Variants in ZC3H12B observed in about 807,000 individuals in gnomAD.
The protein encoded by ZC3H12B is probable ribonuclease ZC3H12B.
ZC3H12B carries 7 observed loss-of-function variants against 43.9 expected under a neutral mutation model. That is an observed-to-expected ratio of 0.16 (90% CI 0.09 to 0.30). The LOEUF (loss-of-function observed/expected upper bound fraction) is 0.30, where lower values mean the gene tolerates loss of function less well. Among genes scored for constraint, ZC3H12B ranks in the 10% least tolerant of loss-of-function variants. The pLI is 1.00. For missense variants in ZC3H12B, 475 were observed against 670.2 expected (o/e 0.71, Z 3.22); for synonymous variants, 222 against 241.7 (o/e 0.92, Z 0.76).
At chrX:65,143,655 C>T in the ZC3H12B span, among the ~76,000 whole-genome samples, 138 of 108,507 alleles carry the variant, frequency 1.3e-3, 1 homozygote, top group Non-Finnish European at 1.7e-3. Flanking sequence ...TTCCACCTCC[C>T]GGGTTCAAGT....
chrX:65,366,258 T>C (rs1318100812), upstream of ZC3H12B, among the ~76,000 whole-genome samples: 1 of 110,597 alleles, frequency 9.0e-6, no homozygotes, highest in Non-Finnish European at 1.9e-5. Context: ...AAGAGAATGG[T>C]GCTTTTTTCC....
At chrX:65,192,287 G>A in the ZC3H12B span, among the ~76,000 whole-genome samples, 1 of 111,339 alleles carries the variant, frequency 9.0e-6, no homozygotes, top group African/African-American at 3.3e-5. Context: ...GTTGATTTGG[G>A]GTGGATCAAA....
chrX:65,503,626 T>A (rs1049213338), exon 5 of ZC3H12B: 13 of 113,687 alleles, frequency 1.1e-4, no homozygotes, highest in Non-Finnish European at 2.0e-4. Flanking sequence ...TTCTTTATTT[T>A]TTTTTTTTGA....
intron 3 of ZC3H12B, among the ~76,000 whole-genome samples, chrX:65,435,346 G>T (rs949438618): frequency 1.1e-4 from 12 of 111,675 alleles, no homozygotes; most frequent in African/African-American, 3.9e-4. Context: ...ACAAATACTT[G>T]AAAGTATCAT....
the ZC3H12B span, among the ~76,000 whole-genome samples, chrX:65,165,336 A>T: frequency 4.5e-5 from 5 of 112,115 alleles, no homozygotes; most frequent in Admixed American, 9.5e-5. Flanking sequence ...ATAGGTATAC[A>T]TGTGCCATGG....
chrX:65,174,842 T>C, the ZC3H12B span, among the ~76,000 whole-genome samples: 114 of 111,386 alleles, frequency 1.0e-3, 1 homozygote, highest in East Asian at 0.022. Context: ...ATGAGACCAC[T>C]TGGCTCCCTG....
the ZC3H12B span, among the ~76,000 whole-genome samples, chrX:65,177,696 A>G: frequency 9.0e-6 from 1 of 111,697 alleles, no homozygotes; most frequent in Non-Finnish European, 1.9e-5. Context: ...TGAATAAAAT[A>G]CCTAGGAATA....
At chrX:65,264,539 A>C in the ZC3H12B span, among the ~76,000 whole-genome samples, 1 of 112,187 alleles carries the variant, frequency 8.9e-6, no homozygotes, top group South Asian at 3.6e-4. Context: ...CATAGATAAA[A>C]AAATTATTTT....
the ZC3H12B span, among the ~76,000 whole-genome samples, chrX:65,313,223 C>T: frequency 5.4e-5 from 6 of 112,149 alleles, no homozygotes; most frequent in African/African-American, 9.7e-5. Context: ...GGGGCACAAA[C>T]ATTCAACCCA....
intron 4 of ZC3H12B, 123 bp from the exon 10 acceptor site, chrX:65,501,666 A>T: frequency 1.5e-6 from 1 of 671,233 alleles, no homozygotes; most frequent in Non-Finnish European, 2.2e-6. Context: ...GTGGACAGTT[A>T]ATTTTCTGCC....
the ZC3H12B span, among the ~76,000 whole-genome samples, chrX:65,168,476 G>A: frequency 9.0e-6 from 1 of 111,072 alleles, no homozygotes; most frequent in African/African-American, 3.3e-5. Context: ...ATGTTCATTA[G>A]GGATATTGGT....
intron 3 of ZC3H12B, among the ~76,000 whole-genome samples, chrX:65,413,770 G>A (rs976502133): frequency 9.0e-6 from 1 of 111,693 alleles, no homozygotes; most frequent in Non-Finnish European, 1.9e-5. Flanking sequence ...GGCTATTTGA[G>A]GACCCTTGTG....
At chrX:65,209,992 C>T in the ZC3H12B span, among the ~76,000 whole-genome samples, 1 of 76,052 alleles carries the variant, frequency 1.3e-5, no homozygotes, top group Admixed American at 1.4e-4. Context: ...CATTACCATT[C>T]AAGACATAGG....
At chrX:65,453,367 T>TGC (rs2067549099) in intron 3 of ZC3H12B, among the ~76,000 whole-genome samples, 1 of 67,113 alleles carries the variant, frequency 1.5e-5, no homozygotes, top group African/African-American at 6.8e-5. Flanking sequence ...TGCATATATA[T>TGC]ATATATATAT....
At chrX:65,427,203 A>G (rs2067093648) in intron 3 of ZC3H12B, among the ~76,000 whole-genome samples, 1 of 111,657 alleles carries the variant, frequency 9.0e-6, no homozygotes, top group African/African-American at 3.3e-5. Flanking sequence ...ACTCTTTACC[A>G]TTATGTAATG....
At chrX:65,293,834 G>C in the ZC3H12B span, among the ~76,000 whole-genome samples, 2 of 111,264 alleles carry the variant, frequency 1.8e-5, no homozygotes, top group African/African-American at 6.5e-5. Context: ...AATGAACAAA[G>C]CCTCCAAGAA....
chrX:65,231,563 C>G, the ZC3H12B span, among the ~76,000 whole-genome samples: 1 of 110,949 alleles, frequency 9.0e-6, no homozygotes, highest in Non-Finnish European at 1.9e-5. Flanking sequence ...ATAGAACTAC[C>G]CCCAGGAATG....
the ZC3H12B span, among the ~76,000 whole-genome samples, chrX:65,127,466 T>A: frequency 1.8e-5 from 2 of 110,989 alleles, no homozygotes; most frequent in East Asian, 5.7e-4. Flanking sequence ...TGCATTGGTT[T>A]TGTGTTGGTT....
chrX:65,356,995 A>T, the ZC3H12B span: 62 of 505,154 alleles, frequency 1.2e-4, no homozygotes, highest in African/African-American at 1.3e-3. Context: ...CTCATGGTGT[A>T]TAAAATGGAT....
Sources: gnomAD v4.1 joint callset for allele counts (sites outside exome capture counted in the v4.1 genomes callset) on GRCh38, gnomAD v4.1.1 for gene constraint, MANE v1.5 for transcripts, NCBI Gene and HGNC (gene_info 2026-07-23, HGNC 2026-07-21) for gene names.